Variants in PACRG observed in about 807,000 individuals in gnomAD.
The protein encoded by PACRG is parkin coregulated gene protein.
Under a neutral mutation model 29.7 loss-of-function variants are expected in PACRG, and 29 were observed. The ratio of observed to expected loss-of-function variants is 0.98; its 90% CI spans 0.73 to 1.33. PACRG has a LOEUF of 1.33. Among genes scored for constraint, PACRG ranks in the 40% most tolerant of loss-of-function variants. The pLI is 0.00. For missense variants in PACRG, 279 were observed against 316.2 expected, an observed-to-expected ratio of 0.88 and a Z score of 0.89; for synonymous variants, 116 against 118.7, an observed-to-expected ratio of 0.98 and a Z score of 0.15.
At chr6:162,983,198 T>G (rs1370395195) in intron 2 of PACRG, among the ~76,000 whole-genome samples, 3 of 151,998 alleles carry the variant, frequency 2.0e-5, no homozygotes, top group Non-Finnish European at 2.9e-5. Flanking sequence ...ATGTGAGTGC[T>G]TATGCATTAG....
intron 2 of PACRG, among the ~76,000 whole-genome samples, chr6:162,913,744 T>C (rs1159428469): frequency 6.6e-6 from 1 of 152,182 alleles, no homozygotes; most frequent in East Asian, 1.9e-4. Context: ...ATCCTTTTAA[T>C]TTCAGCCAGT....
intron 2 of PACRG, among the ~76,000 whole-genome samples, chr6:162,993,125 T>A: frequency 6.6e-6 from 1 of 150,520 alleles, no homozygotes; most frequent in Non-Finnish European, 1.5e-5. Context: ...ATAATTTCTG[T>A]TCTTTTACAT....
At chr6:162,989,305 G>A (rs549637102) in intron 2 of PACRG, among the ~76,000 whole-genome samples, 53 of 152,290 alleles carry the variant, frequency 3.5e-4, no homozygotes, top group African/African-American at 1.2e-3. Context: ...TATTGAATGT[G>A]TTTATTTGGA....
At chr6:162,947,934 A>C (rs745666972) in intron 2 of PACRG, among the ~76,000 whole-genome samples, 4 of 151,868 alleles carry the variant, frequency 2.6e-5, no homozygotes, top group Non-Finnish European at 5.9e-5. Flanking sequence ...ATGCTCATGG[A>C]TTGGAATAAT....
At chr6:162,909,273 T>C (rs1293879628) in intron 2 of PACRG, among the ~76,000 whole-genome samples, 4 of 151,986 alleles carry the variant, frequency 2.6e-5, no homozygotes. Flanking sequence ...AAATCATCCT[T>C]GGCCAGGCGC....
intron 4 of PACRG, among the ~76,000 whole-genome samples, chr6:163,222,459 C>T (rs1781628366): frequency 6.6e-6 from 1 of 152,074 alleles, no homozygotes; most frequent in South Asian, 2.1e-4. Context: ...AGGTGCCTGT[C>T]GTCCCAGCTA....
At chr6:162,805,845 T>A (rs2128347108) in intron 1 of PACRG, among the ~76,000 whole-genome samples, 1 of 152,308 alleles carries the variant, frequency 6.6e-6, no homozygotes, top group South Asian at 2.1e-4. Context: ...TCACTTCTAA[T>A]TCTAGACTTT....
chr6:163,300,665 C>T (rs1585411964), intron 4 of PACRG, among the ~76,000 whole-genome samples: 1 of 152,234 alleles, frequency 6.6e-6, no homozygotes, highest in South Asian at 2.1e-4. Context: ...CCTTTAGTGC[C>T]TCAAAACACA....
intron 4 of PACRG, among the ~76,000 whole-genome samples, chr6:163,270,312 C>T (rs988737597): frequency 2.6e-5 from 4 of 152,044 alleles, no homozygotes; most frequent in South Asian, 2.1e-4. Flanking sequence ...CATATCATCA[C>T]GAAAACTTAA....
chr6:163,029,666 C>T (rs977807057), intron 2 of PACRG, among the ~76,000 whole-genome samples: 13 of 151,874 alleles, frequency 8.6e-5, no homozygotes, highest in African/African-American at 2.9e-4. Context: ...TTTTTTGCTT[C>T]TGGATGTTGT....
intron 2 of PACRG, among the ~76,000 whole-genome samples, chr6:162,925,903 A>T (rs1298332817): frequency 6.6e-6 from 1 of 152,092 alleles, no homozygotes; most frequent in Non-Finnish European, 1.5e-5. Flanking sequence ...ATATCTAGAA[A>T]ACCCCACCAT....
At chr6:163,001,283 C>T (rs1308284325) in intron 2 of PACRG, among the ~76,000 whole-genome samples, 1 of 152,204 alleles carries the variant, frequency 6.6e-6, no homozygotes, top group Non-Finnish European at 1.5e-5. Flanking sequence ...CACAATTCTC[C>T]AAAGAGCTTT....
At chr6:163,116,561 C>T (rs1017089858) in intron 4 of PACRG, among the ~76,000 whole-genome samples, 4 of 152,106 alleles carry the variant, frequency 2.6e-5, no homozygotes, top group Admixed American at 6.5e-5. Flanking sequence ...TAGAGACCAG[C>T]GACAGCAGTC....
intron 4 of PACRG, among the ~76,000 whole-genome samples, chr6:163,250,906 T>TATATATATATATATATATATATATATAC (rs1026185460): frequency 6.7e-6 from 1 of 149,238 alleles, no homozygotes; most frequent in African/African-American, 2.5e-5. Flanking sequence ...TATATATATA[T>TATATATATATATATATATATATATATAC]ACACTATGGA....
intron 2 of PACRG, among the ~76,000 whole-genome samples, chr6:162,960,602 T>C (rs986383806): frequency 3.3e-5 from 5 of 152,088 alleles, no homozygotes; most frequent in Non-Finnish European, 5.9e-5. Flanking sequence ...TGCAGACTAC[T>C]AGAGGAGGGA....
At chr6:163,164,214 G>T (rs1778693642) in intron 4 of PACRG, among the ~76,000 whole-genome samples, 1 of 152,158 alleles carries the variant, frequency 6.6e-6, no homozygotes, top group African/African-American at 2.4e-5. Flanking sequence ...AATAGTATTT[G>T]TTTCTGTTTT....
At chr6:162,883,817 GTCCC>G (rs1186503799) in intron 2 of PACRG, among the ~76,000 whole-genome samples, 37 of 152,160 alleles carry the variant, frequency 2.4e-4, no homozygotes, top group African/African-American at 8.7e-4. Context: ...GAACTTTTGA[GTCCC>G]CCAAAATTTA....
intron 4 of PACRG, among the ~76,000 whole-genome samples, chr6:163,281,816 T>G (rs1784235246): frequency 1.3e-5 from 2 of 152,182 alleles, no homozygotes; most frequent in Non-Finnish European, 2.9e-5. Flanking sequence ...GGAAAAGGAA[T>G]GAGGCCCACC....
chr6:163,006,055 A>G (rs1167282726), intron 2 of PACRG, among the ~76,000 whole-genome samples: 2 of 145,140 alleles, frequency 1.4e-5, no homozygotes, highest in African/African-American at 2.5e-5. Context: ...ATAACTATGT[A>G]TAACATATAT....
Sources: allele counts gnomAD v4.1 joint callset (sites outside exome capture counted in the v4.1 genomes callset), GRCh38; gene constraint gnomAD v4.1.1; transcripts MANE v1.5; gene names NCBI Gene and HGNC (gene_info 2026-07-23, HGNC 2026-07-21).